Variants in FAF1 observed in about 807,000 individuals in gnomAD.
FAF1 encodes the protein Fas associated factor 1.
In FAF1, 25 loss-of-function variants were observed where a neutral mutation model predicts 92.5. That is an observed-to-expected ratio of 0.27 (90% confidence interval 0.20 to 0.38). The LOEUF (loss-of-function observed/expected upper bound fraction) is 0.38, where lower values mean the gene tolerates loss of function less well. FAF1 is among the 10% of genes least tolerant of loss of function. The pLI is 1.00. For synonymous variants in FAF1, 234 were observed against 273.2 expected (o/e 0.86, Z 1.42); for missense variants, 636 against 793.3 (o/e 0.80, Z 2.38).
At chr1:50,613,726 T>A (rs935772432) in intron 8 of FAF1, among the ~76,000 whole-genome samples, 10 of 152,138 alleles carry the variant, frequency 6.6e-5, no homozygotes, top group African/African-American at 2.4e-4. Context: ...AATCACTCAA[T>A]ATACATGTGT....
chr1:50,524,457 C>T (rs1647682937), intron 15 of FAF1, among the ~76,000 whole-genome samples: 1 of 152,140 alleles, frequency 6.6e-6, no homozygotes, highest in African/African-American at 2.4e-5. Flanking sequence ...GAAGGCTTTG[C>T]CCATGCCTAT....
At chr1:50,495,032 T>C (rs1291081862) in intron 15 of FAF1, among the ~76,000 whole-genome samples, 1 of 152,198 alleles carries the variant, frequency 6.6e-6, no homozygotes, top group Non-Finnish European at 1.5e-5. Context: ...GGGAGATATT[T>C]TGATAGAGGC....
intron 1 of FAF1, among the ~76,000 whole-genome samples, chr1:50,913,969 G>A (rs1257016705): frequency 6.6e-6 from 1 of 152,144 alleles, no homozygotes; most frequent in Non-Finnish European, 1.5e-5. Context: ...ATGATTACAA[G>A]TCCTGTGGTC....
intron 18 of FAF1, among the ~76,000 whole-genome samples, chr1:50,472,817 T>A (rs1036952374): frequency 2.0e-5 from 3 of 152,192 alleles, no homozygotes; most frequent in African/African-American, 7.2e-5. Flanking sequence ...ACAAATTAGA[T>A]CCTAATCCTT....
intron 5 of FAF1, among the ~76,000 whole-genome samples, chr1:50,740,775 C>G (rs143925544): frequency 2.2e-4 from 33 of 152,208 alleles, no homozygotes; most frequent in African/African-American, 7.2e-4. Flanking sequence ...AACTTTATGT[C>G]AAATATGTGA....
chr1:50,956,620 A>G (rs1283918147), intron 1 of FAF1, among the ~76,000 whole-genome samples: 1 of 152,364 alleles, frequency 6.6e-6, no homozygotes. Context: ...TCATCCAAGT[A>G]TCCGTATGCC....
At chr1:50,765,920 G>A (rs774844633) in intron 4 of FAF1, among the ~76,000 whole-genome samples, 3 of 152,014 alleles carry the variant, frequency 2.0e-5, no homozygotes, top group Non-Finnish European at 2.9e-5. Flanking sequence ...GTGAAACCCC[G>A]TCTCTACTAA....
chr1:50,536,754 T>C (rs114189060), intron 14 of FAF1, among the ~76,000 whole-genome samples: 1,876 of 152,218 alleles, frequency 0.012, 31 homozygotes, highest in African/African-American at 0.043. Context: ...AATTGGCACA[T>C]GACAAAGGCT....
intron 18 of FAF1, among the ~76,000 whole-genome samples, chr1:50,465,157 C>T (rs183396548): frequency 1.3e-5 from 2 of 152,324 alleles, no homozygotes; most frequent in East Asian, 1.9e-4. Flanking sequence ...TGCTTGGCTA[C>T]GTGATCTTGG....
At chr1:50,771,819 T>C (rs112134442) in intron 4 of FAF1, among the ~76,000 whole-genome samples, 3,041 of 152,220 alleles carry the variant, frequency 0.02, 98 homozygotes, top group African/African-American at 0.07. Flanking sequence ...GGGAATTGCT[T>C]GAACCTGGGA....
intron 2 of FAF1, among the ~76,000 whole-genome samples, chr1:50,852,492 T>C (rs1028682578): frequency 3.3e-5 from 5 of 152,036 alleles, no homozygotes; most frequent in African/African-American, 1.2e-4. Context: ...GTATTTAGAG[T>C]AAAGCACTAC....
At chr1:50,508,391 A>T (rs1055729957) in intron 15 of FAF1, among the ~76,000 whole-genome samples, 2 of 152,260 alleles carry the variant, frequency 1.3e-5, no homozygotes, top group Non-Finnish European at 2.9e-5. Context: ...ATACAATGGA[A>T]TATTATTTAA....
intron 6 of FAF1, among the ~76,000 whole-genome samples, chr1:50,724,302 C>CAT (rs1553132412): frequency 4.6e-5 from 6 of 130,228 alleles, no homozygotes; most frequent in Non-Finnish European, 1.0e-4. Context: ...CACATACACA[C>CAT]ACACACACAC....
At chr1:50,668,718 A>T (rs1655740884) in intron 7 of FAF1, among the ~76,000 whole-genome samples, 1 of 152,168 alleles carries the variant, frequency 6.6e-6, no homozygotes, top group African/African-American at 2.4e-5. Flanking sequence ...TTAATTAAGA[A>T]AGTAAAACCC....
chr1:50,758,880 T>C (rs1398229882), intron 4 of FAF1, among the ~76,000 whole-genome samples: 24 of 152,160 alleles, frequency 1.6e-4, no homozygotes, highest in Admixed American at 1.6e-3. Flanking sequence ...TCTTGCTCTG[T>C]TGCCCAGGCT....
intron 1 of FAF1, among the ~76,000 whole-genome samples, chr1:50,887,893 A>G (rs1644682495): frequency 6.6e-6 from 1 of 152,186 alleles, no homozygotes. Flanking sequence ...ACTTTAAAGT[A>G]GTTTTCTCCA....
intron 1 of FAF1, among the ~76,000 whole-genome samples, chr1:50,920,784 T>C (rs184020444): frequency 7.9e-5 from 12 of 152,298 alleles, no homozygotes; most frequent in Admixed American, 5.9e-4. Flanking sequence ...AGGACATCTA[T>C]GAAAAACCTA....
chr1:50,483,592 G>A lies in FAF1; in HGVS notation c.1653+6996C>T, dbSNP rs531725738. Among the ~76,000 whole-genome samples the A allele has an allele frequency of 1.4e-3, 214 of 152,278 alleles. 2 individuals are homozygous for A. The highest frequency in any genetic ancestry group is 2.2e-3 in the Admixed American group (34 of 15,300). On this transcript the variant is annotated intron_variant, in intron 17 of 18. Transcript: ENST00000396153. ...GTAAGCCACTGCAAGTTTTTGAAGT[G>A]ACATGATGTGACAAATGATTTTTAA...
chr1:50,536,897 G>A (rs769810085), intron 14 of FAF1, among the ~76,000 whole-genome samples: 4 of 152,128 alleles, frequency 2.6e-5, no homozygotes, highest in Admixed American at 6.5e-5. Context: ...TGGAGATAAC[G>A]TAAAGTATAT....
Sources: allele counts gnomAD v4.1 joint callset (sites outside exome capture counted in the v4.1 genomes callset), GRCh38; gene constraint gnomAD v4.1.1; transcripts MANE v1.5; gene names NCBI Gene and HGNC (gene_info 2026-07-23, HGNC 2026-07-21).